AKR1E2: variants seen among roughly 807,000 people sequenced by gnomAD.
AKR1E2 encodes the protein 1,5-anhydro-D-fructose reductase.
AKR1E2 carries 43 observed loss-of-function variants against 41.9 expected under a neutral mutation model. The ratio of observed to expected loss-of-function variants is 1.03; its 90% CI spans 0.80 to 1.32. The LOEUF is 1.32. AKR1E2 is among the 40% of genes most tolerant of loss of function. The pLI, the probability that AKR1E2 is intolerant of heterozygous loss-of-function variation, is 0.00. For missense variants in AKR1E2, 423 were observed against 396.5 expected (o/e 1.07, Z -0.57); for synonymous variants, 121 against 138.9 (o/e 0.87, Z 0.91).
At chr10:4,836,580 T>C (rs1833443104) in intron 4 of AKR1E2, among the ~76,000 whole-genome samples, 1 of 151,892 alleles carries the variant, frequency 6.6e-6, no homozygotes, top group Admixed American at 6.6e-5. Flanking sequence ...TGGGTGAAGC[T>C]CTCCAGGGAG....
intron 6 of AKR1E2, among the ~76,000 whole-genome samples, chr10:4,840,662 C>G (rs1355436315): frequency 6.6e-6 from 1 of 152,204 alleles, no homozygotes; most frequent in East Asian, 1.9e-4. Flanking sequence ...GCTGTGGGGT[C>G]CTTGGATAGA....
rs766138858 is a variant in AKR1E2 at position 4,837,423 on chromosome 10, A to G, written c.460-36A>G. On this transcript the variant is annotated intron_variant, in intron 4 of 9. Coordinates refer to ENST00000298375, the MANE Select transcript of AKR1E2 (RefSeq NM_001040177.3). The stretch of plus-strand genomic sequence containing the variant: ...GACGTAGATTGTCAGTGCAGTAGAC[A>G]GAAGCTTCACACCCAGCAGAGTCGT... 3 of 1,608,648 alleles carry G rather than the reference A, an allele frequency of 1.9e-6. 1 individual carries two copies. The South Asian group carries it at 3.3e-5, about 18-fold the overall frequency.
intron 1 of AKR1E2, among the ~76,000 whole-genome samples, chr10:4,827,891 A>C (rs538092351): frequency 9.2e-5 from 14 of 152,330 alleles, no homozygotes; most frequent in African/African-American, 3.1e-4. Flanking sequence ...AATTTGGTGC[A>C]GGAGTCCAGA....
chr10:4,849,550 A>G (rs1002446711), downstream of AKR1E2, among the ~76,000 whole-genome samples: 4 of 152,254 alleles, frequency 2.6e-5, no homozygotes, highest in African/African-American at 9.6e-5. Flanking sequence ...ACTTATACTT[A>G]AACCATTGTT....
chr10:4,842,531 C>A, intron 8 of AKR1E2, 27 bp downstream of exon 8: 2 of 1,603,790 alleles, frequency 1.2e-6, no homozygotes, highest in East Asian at 2.2e-5. Flanking sequence ...TTTTATTTGG[C>A]GGGTTTCAGA....
chr10:4,837,501 G>A lies in AKR1E2; in HGVS notation c.502G>A (p.Gly168Arg), dbSNP rs1373943188. The part of the protein sequence containing the change: ...LVITGLVKNI[G>R]VSNFNHEQLE... ...GATCACCGGGCTGGTGAAGAACATC[G>A]GGGTGTCAAACTTCAACCATGAACA... is the stretch of plus-strand genomic sequence containing the variant. Residue 168 changes from glycine to arginine, a missense_variant, in exon 5 of 10, where the codon GGG (glycine) becomes AGG (arginine). Transcript: ENST00000298375. 37 of 1,613,994 alleles carry A rather than the reference G, an allele frequency of 2.3e-5. No individual in the cohort carries two copies. Among genetic ancestry groups the A allele is most frequent in the African/African-American group, 8.0e-5 (6 of 74,910 alleles).
chr10:4,851,267 G>C, downstream of AKR1E2, among the ~76,000 whole-genome samples: 1 of 152,142 alleles, frequency 6.6e-6, no homozygotes, highest in East Asian at 1.9e-4. Flanking sequence ...CCATACACTG[G>C]GGCAAATCAA....
In AKR1E2 at chr10:4,842,504, G is replaced by A. The variant is rs981988847; in HGVS notation, c.837G>A (p.Gln279=). 2.5e-6 allele frequency: 4 copies of A among 1,613,476 alleles called. No individual in the cohort carries two copies. The highest frequency in any genetic ancestry group is 2.2e-5 in the East Asian group (1 of 44,870). The part of the protein sequence containing the change: ...ITPSHIKENI[Q]VFDFELTQHD... ...CAAGTCACATTAAAGAGAATATCCA[G>A]GTAGGTGTATTCCTTCTTTTATTTG... Residue 279 remains glutamine, a splice_region_variant and synonymous_variant, in exon 8 of 10, where the codon CAG becomes CAA. Transcript: ENST00000298375.
At chr10:4,862,518 G>A in the AKR1E2 span, among the ~76,000 whole-genome samples, 2 of 152,116 alleles carry the variant, frequency 1.3e-5, no homozygotes, top group Non-Finnish European at 2.9e-5. Flanking sequence ...AAATTACCTT[G>A]GGCAGTATGG....
At chr10:4,851,657 C>A (rs1834529187), downstream of AKR1E2, among the ~76,000 whole-genome samples, 1 of 152,154 alleles carries the variant, frequency 6.6e-6, no homozygotes, top group South Asian at 2.1e-4. Context: ...CAGGTTTTAA[C>A]TGAATCTTCA....
At position 4,847,352 on chromosome 10, in the gene AKR1E2, C is replaced by A. The variant is rs1018689167; in HGVS notation, c.920+122C>A. ...TTAAACTTTCTCATTATAATTCTTT[C>A]CTGTTTGAAGATGAGCCACTGAATG... On this transcript the variant is annotated intron_variant, in intron 9 of 9. Coordinates refer to ENST00000298375, the MANE Select transcript of AKR1E2 (RefSeq NM_001040177.3). 7.1e-6 allele frequency: 11 copies of A among 1,548,528 alleles called. No homozygotes were observed. In the South Asian group the frequency reaches 1.2e-4, roughly 17 times the overall value.
intron 1 of AKR1E2, among the ~76,000 whole-genome samples, chr10:4,827,412 T>C (rs1338562938): frequency 1.4e-5 from 2 of 143,818 alleles, no homozygotes; most frequent in Non-Finnish European, 1.6e-5. Context: ...TCTTAAAAGC[T>C]GTGTCTCCTG....
At chr10:4,855,057 C>G in the AKR1E2 span, among the ~76,000 whole-genome samples, 2 of 152,152 alleles carry the variant, frequency 1.3e-5, no homozygotes, top group Non-Finnish European at 2.9e-5. Flanking sequence ...GATGGGACTG[C>G]TGGAAAAGAT....
downstream of AKR1E2, among the ~76,000 whole-genome samples, chr10:4,850,749 C>T (rs1253355366): frequency 6.6e-6 from 1 of 152,126 alleles, no homozygotes; most frequent in Non-Finnish European, 1.5e-5. Context: ...TTGGTGAAAT[C>T]CCCCATGGCA....
chr10:4,833,019 A>G (rs1833104704), intron 2 of AKR1E2, among the ~76,000 whole-genome samples: 1 of 152,210 alleles, frequency 6.6e-6, no homozygotes, highest in African/African-American at 2.4e-5. Context: ...ATTTTTCGTC[A>G]TATCTTTTCT....
downstream of AKR1E2, among the ~76,000 whole-genome samples, chr10:4,850,088 G>T (rs1272545430): frequency 2.6e-5 from 4 of 152,142 alleles, no homozygotes; most frequent in African/African-American, 7.2e-5. Flanking sequence ...GGCCCCTCTT[G>T]TCTGTTCATT....
chr10:4,873,113 T>C, the AKR1E2 span, among the ~76,000 whole-genome samples: 1 of 151,802 alleles, frequency 6.6e-6, no homozygotes, highest in Admixed American at 6.6e-5. Flanking sequence ...CAGTGGGAGG[T>C]GGTTGAATTA....
chr10:4,825,685 G>A (rs115944314), upstream of AKR1E2, among the ~76,000 whole-genome samples: 1,368 of 152,290 alleles, frequency 9.0e-3, 21 homozygotes, highest in African/African-American at 0.032. Flanking sequence ...TGGGGGCCTC[G>A]GGGCACCTGA....
At chr10:4,866,057 G>T in the AKR1E2 span, among the ~76,000 whole-genome samples, 1 of 152,336 alleles carries the variant, frequency 6.6e-6, no homozygotes, top group Non-Finnish European at 1.5e-5. Context: ...CAGACGTGAA[G>T]TTTCTGTCAT....
Sources: allele counts gnomAD v4.1 joint callset (sites outside exome capture counted in the v4.1 genomes callset), GRCh38; gene constraint gnomAD v4.1.1; transcripts MANE v1.5; gene names NCBI Gene and HGNC (gene_info 2026-07-23, HGNC 2026-07-21).